The following EXO1 variants were observed in gnomAD, a reference collection of about 807,000 sequenced individuals.
EXO1 encodes the protein exonuclease 1.
In EXO1, 69 loss-of-function variants were observed where a neutral mutation model predicts 84.5. The observed-to-expected ratio is 0.82, with a 90% CI of 0.67 to 1.00. EXO1 has a LOEUF of 1.00. EXO1 is among the 50% of genes least tolerant of loss of function. The pLI, the probability that EXO1 is intolerant of heterozygous loss-of-function variation, is 0.00. For missense variants in EXO1, 1,045 were observed against 1,000.7 expected (o/e 1.04, Z -0.60); for synonymous variants, 373 against 366.1 (o/e 1.02, Z -0.21).
intron 12 of EXO1, among the ~76,000 whole-genome samples, chr1:241,877,486 G>GC (rs1039941831): frequency 3.9e-5 from 6 of 151,974 alleles, no homozygotes; most frequent in African/African-American, 1.5e-4. Context: ...ACTGCTTCCT[G>GC]CCCCCTCCCC....
chr1:241,867,734 A>G (rs896071503), intron 11 of EXO1, among the ~76,000 whole-genome samples: 3 of 151,968 alleles, frequency 2.0e-5, no homozygotes, highest in Admixed American at 6.6e-5. Context: ...CTGACCACAT[A>G]TATGTGGATC....
intron 4 of EXO1, among the ~76,000 whole-genome samples, chr1:241,851,851 A>C (rs1335137791): frequency 6.6e-6 from 1 of 152,174 alleles, no homozygotes; most frequent in Non-Finnish European, 1.5e-5. Context: ...ATATAAACTG[A>C]GTATTAGATA....
At chr1:241,861,116 A>C (rs1661358095) in intron 9 of EXO1, among the ~76,000 whole-genome samples, 1 of 152,236 alleles carries the variant, frequency 6.6e-6, no homozygotes, top group South Asian at 2.1e-4. Context: ...GCTGATGCAG[A>C]GCCCTGAGTC....
intron 14 of EXO1, among the ~76,000 whole-genome samples, chr1:241,884,237 T>C (rs1415195083): frequency 6.6e-6 from 1 of 152,152 alleles, no homozygotes; most frequent in African/African-American, 2.4e-5. Flanking sequence ...TTCTTTTTTC[T>C]CCCTCACTTT....
chr1:241,864,855 C>T (rs1197032316), intron 10 of EXO1, among the ~76,000 whole-genome samples: 1 of 151,070 alleles, frequency 6.6e-6, no homozygotes, highest in African/African-American at 2.4e-5. Context: ...GAACTATTGA[C>T]AGTATTTATC....
chr1:241,860,269 T>C (rs1423885468), intron 8 of EXO1, among the ~76,000 whole-genome samples: 2 of 147,466 alleles, frequency 1.4e-5, no homozygotes, highest in African/African-American at 5.1e-5. Context: ...AGCACAAACT[T>C]GATGTACTAT....
chr1:241,885,761 T>G (rs1663029662), intron 15 of EXO1, among the ~76,000 whole-genome samples: 1 of 152,130 alleles, frequency 6.6e-6, no homozygotes, highest in Non-Finnish European at 1.5e-5. Context: ...TGAAGCAAAT[T>G]GCTTTCCTAG....
In EXO1 at chr1:241,879,186, T is replaced by G. The variant is rs749559339; in HGVS notation, c.1952T>G (p.Val651Gly). The G allele has an allele frequency of 1.9e-6, 3 of 1,604,870 alleles. No individual in the cohort carries two copies. In the South Asian group the frequency reaches 3.3e-5, roughly 18 times the overall value. Residue 651 changes from valine to glycine, a missense_variant, in exon 13 of 16, where the codon GTG becomes GGG. Val to Gly is a moderately radical substitution (Grantham distance 109, BLOSUM62 -3). Coordinates refer to ENST00000366548, the MANE Select transcript of EXO1 (RefSeq NM_130398.4). ...TTGCCTGAGAATAATATGTCTGATGTGTCGCAGTTAAAGAGCGAGGAGTCC... is the reference window on the plus strand; with the variant it reads ...TTGCCTGAGAATAATATGTCTGATGGGTCGCAGTTAAAGAGCGAGGAGTCC... ...TSLPENNMSD[V>G]SQLKSEESSD...
chr1:241,883,719 ATATGT>A (rs1189805493), intron 14 of EXO1, among the ~76,000 whole-genome samples: 1 of 127,542 alleles, frequency 7.8e-6, no homozygotes, highest in Non-Finnish European at 1.6e-5. Context: ...AAAAGGAAAA[ATATGT>A]TATTAACAAT....
intron 10 of EXO1, among the ~76,000 whole-genome samples, chr1:241,861,811 C>T (rs1461581538): frequency 6.6e-6 from 1 of 152,174 alleles, no homozygotes; most frequent in Non-Finnish European, 1.5e-5. Flanking sequence ...GCTTCTGTGG[C>T]ATTTGGCATC....
chr1:241,877,919 G>C (rs1402269712), intron 12 of EXO1, among the ~76,000 whole-genome samples: 1 of 152,062 alleles, frequency 6.6e-6, no homozygotes. Flanking sequence ...AAGATGAAGG[G>C]TAAATAGCTA....
intron 11 of EXO1, 61 bp downstream of exon 11, chr1:241,867,116 C>T (rs1661791685): frequency 7.9e-7 from 1 of 1,259,638 alleles, no homozygotes; most frequent in African/African-American, 1.5e-5. Flanking sequence ...GAAATCATTG[C>T]CCAACGCAAA....
Position 241,889,678 on chromosome 1 carries a change from T to C in EXO1, c.*78T>C, listed in dbSNP as rs976649488. 7 of 1,393,784 alleles carry C rather than the reference T, an allele frequency of 5.0e-6. No individual in the cohort carries two copies. The highest frequency in any genetic ancestry group is 1.8e-4 in the Middle Eastern group (1 of 5,600). 86.3% of individuals were successfully genotyped at this position (1,393,784 alleles called of 1,614,324 possible). A position where few individuals can be genotyped will look rare whatever the true frequency, so the allele number is the denominator to read the frequency against. On this transcript the variant is annotated 3_prime_UTR_variant, in exon 16 of 16. Transcript: ENST00000366548. ...TCCCTGTTTGGGAATGAGGCACTTA[T>C]CAGCATGAAGAATTTTTTCTCATTC...
intron 8 of EXO1, among the ~76,000 whole-genome samples, chr1:241,860,129 G>T (rs1239906226): frequency 6.6e-6 from 1 of 151,932 alleles, no homozygotes; most frequent in Non-Finnish European, 1.5e-5. Flanking sequence ...TGTCAACTTG[G>T]TTTAAAAATA....
chr1:241,884,676 T>TGTGTGTGC (rs1247623968), intron 14 of EXO1, among the ~76,000 whole-genome samples: 88 of 141,644 alleles, frequency 6.2e-4, no homozygotes, highest in African/African-American at 2.0e-3. Context: ...TGTGTGTGTG[T>TGTGTGTGC]GCACGTGCAC....
intron 14 of EXO1, among the ~76,000 whole-genome samples, chr1:241,884,127 C>G (rs1662915104): frequency 6.6e-6 from 1 of 152,134 alleles, no homozygotes; most frequent in African/African-American, 2.4e-5. Context: ...CTAAGGTTGT[C>G]CTTTTTCTTG....
intron 12 of EXO1, among the ~76,000 whole-genome samples, chr1:241,873,864 C>T (rs1042971026): frequency 3.9e-5 from 6 of 152,036 alleles, no homozygotes; most frequent in Non-Finnish European, 8.8e-5. Context: ...GTGAAGCAGG[C>T]AAAGACCGGC....
rs764491525 is a variant in EXO1 at position 241,872,189 on chromosome 1, T to C, written c.1425T>C (p.Thr475=). The change falls in exon 12 of 16, where the codon ACT becomes ACC. Residue 475 remains threonine (T), a synonymous_variant. Transcript: ENST00000366548. ...NGPTNKKSVS[T]PPRTRNKFAT... ...CTACTAACAAAAAGAGTGTAAGCAC[T>C]CCACCTAGGACGAGAAATAAATTTG... The C allele has an allele frequency of 1.2e-6, 2 of 1,613,934 alleles. No individual in the cohort carries two copies. Among genetic ancestry groups the C allele is most frequent in the South Asian group, 2.2e-5 (2 of 91,080 alleles).
In EXO1 at chr1:241,889,540, G is replaced by A. The variant is rs777457960; in HGVS notation, c.2481G>A (p.Ala827=). The A allele has an allele frequency of 2.2e-5, 36 of 1,613,692 alleles. No homozygotes were observed. Among genetic ancestry groups the A allele is most frequent in the South Asian group, 1.9e-4 (17 of 91,084 alleles). The change falls in exon 16 of 16, where the codon GCG becomes GCA. Residue 827 remains alanine (A), a synonymous_variant. Coordinates refer to ENST00000366548, the MANE Select transcript of EXO1 (RefSeq NM_130398.4). ...VRDNIQLTPE[A]EEDIFNKPEC... ...ATAACATCCAACTAACTCCAGAAGC[G>A]GAAGAGGATATATTTAACAAACCTG...
Sources: gnomAD v4.1 joint callset for allele counts (sites outside exome capture counted in the v4.1 genomes callset) on GRCh38, gnomAD v4.1.1 for gene constraint, MANE v1.5 for transcripts, NCBI Gene and HGNC (gene_info 2026-07-23, HGNC 2026-07-21) for gene names.